Variants in ZCCHC4 observed in about 807,000 individuals in gnomAD.
ZCCHC4 encodes the protein zinc finger CCHC-type containing 4, also known as rRNA N(6)-adenosine-methyltransferase ZCCHC4.
In ZCCHC4, 54 loss-of-function variants were observed where a neutral mutation model predicts 67.7. The observed-to-expected ratio is 0.80, with a 90% CI of 0.64 to 1.00. The LOEUF (loss-of-function observed/expected upper bound fraction) is 1.00. Ranked by LOEUF, ZCCHC4 falls within the 50% of genes least tolerant of loss-of-function variation. The probability of loss-of-function intolerance (pLI) is 0.00; values close to 1 mark genes in which losing one functional copy is unlikely to be tolerated. For synonymous variants in ZCCHC4, 198 were observed against 213.5 expected (o/e 0.93, Z 0.63); for missense variants, 609 against 617.0 (o/e 0.99, Z 0.14).
At chr4:25,360,789 C>T (rs1201508063) in intron 8 of ZCCHC4, among the ~76,000 whole-genome samples, 2 of 152,200 alleles carry the variant, frequency 1.3e-5, no homozygotes, top group African/African-American at 2.4e-5. Flanking sequence ...GGCATCCCCA[C>T]ATTCCTGATG....
chr4:25,356,775 G>C (rs1337169750), intron 8 of ZCCHC4, among the ~76,000 whole-genome samples: 1 of 151,980 alleles, frequency 6.6e-6, no homozygotes, highest in South Asian at 2.1e-4. Context: ...GAGTGCATTA[G>C]GGGAAACATT....
chr4:25,313,074 G>A (rs1718042594), intron 1 of ZCCHC4, 138 bp downstream of exon 1: 1 of 1,279,718 alleles, frequency 7.8e-7, no homozygotes, highest in South Asian at 1.5e-5. Flanking sequence ...CTCCTTCCTC[G>A]GAACGCGGTG....
At chr4:25,336,325 G>A (rs1046956327) in intron 5 of ZCCHC4, among the ~76,000 whole-genome samples, 10 of 152,252 alleles carry the variant, frequency 6.6e-5, no homozygotes, top group African/African-American at 2.4e-4. Context: ...GCCTCTTATG[G>A]CTGGCTGTAT....
intron 3 of ZCCHC4, among the ~76,000 whole-genome samples, chr4:25,327,404 CCCTCCT>C: frequency 8.6e-6 from 1 of 116,416 alleles, no homozygotes; most frequent in African/African-American, 3.6e-5. Context: ...CTCCCTCCTT[CCCTCCT>C]TCCCTCCTTC....
intron 8 of ZCCHC4, among the ~76,000 whole-genome samples, chr4:25,361,449 TC>T (rs1720732987): frequency 6.6e-6 from 1 of 152,212 alleles, no homozygotes. Context: ...GTCGTACAAC[TC>T]CACATGTTAT....
intron 3 of ZCCHC4, among the ~76,000 whole-genome samples, chr4:25,322,775 C>T (rs1174568632): frequency 1.3e-5 from 2 of 152,158 alleles, no homozygotes; most frequent in East Asian, 3.8e-4. Context: ...ACCTTGGCCT[C>T]CCGAAGTGCT....
At chr4:25,346,838 T>G (rs1720044777) in intron 6 of ZCCHC4, among the ~76,000 whole-genome samples, 1 of 148,914 alleles carries the variant, frequency 6.7e-6, no homozygotes, top group Non-Finnish European at 1.5e-5. Flanking sequence ...GAGTTGAAAG[T>G]CACTTGCCAG....
chr4:25,322,174 G>C (rs571325680), intron 3 of ZCCHC4, among the ~76,000 whole-genome samples: 2 of 152,060 alleles, frequency 1.3e-5, no homozygotes, highest in Non-Finnish European at 2.9e-5. Flanking sequence ...TTATTTATTT[G>C]TTTGTTTGTT....
intron 6 of ZCCHC4, among the ~76,000 whole-genome samples, chr4:25,347,323 A>G (rs1429093577): frequency 6.6e-6 from 1 of 152,220 alleles, no homozygotes; most frequent in African/African-American, 2.4e-5. Flanking sequence ...GTAACAGGTA[A>G]TTAGCCTTTT....
At chr4:25,329,814 G>A (rs1459781296) in intron 3 of ZCCHC4, among the ~76,000 whole-genome samples, 17 of 151,932 alleles carry the variant, frequency 1.1e-4, no homozygotes, top group African/African-American at 4.1e-4. Context: ...GATTACAGGC[G>A]TGAGCCACCG....
intron 12 of ZCCHC4, among the ~76,000 whole-genome samples, chr4:25,368,066 G>A (rs1250998187): frequency 6.6e-6 from 1 of 152,178 alleles, no homozygotes; most frequent in Non-Finnish European, 1.5e-5. Flanking sequence ...GGTAACATAT[G>A]CTGAGTAAAC....
chr4:25,338,652 G>C (rs781128038), intron 5 of ZCCHC4, among the ~76,000 whole-genome samples: 1 of 152,140 alleles, frequency 6.6e-6, no homozygotes, highest in African/African-American at 2.4e-5. Context: ...ATAATACTCT[G>C]TGTGGCCTTT....
intron 5 of ZCCHC4, among the ~76,000 whole-genome samples, chr4:25,342,142 T>C (rs1336624117): frequency 6.6e-6 from 1 of 152,190 alleles, no homozygotes; most frequent in African/African-American, 2.4e-5. Context: ...ACAATAGTTC[T>C]TAAGAGAGAG....
In ZCCHC4 at chr4:25,364,459, C is replaced by T. The variant is rs1438883675; in HGVS notation, c.1215C>T (p.Gly405=). Residue 405 remains glycine, a synonymous_variant, in exon 11 of 13, where the codon GGC becomes GGT. Coordinates refer to ENST00000302874, the MANE Select transcript of ZCCHC4 (RefSeq NM_024936.3). ...ELCNSCTSKD[G]RKWNHCFLCK... ...ATTGTTTTTTTTTTTGGTAGGATGG[C>T]AGGAAATGGAACCATTGCTTTCTCT... 2 of 1,492,450 alleles carry T rather than the reference C, an allele frequency of 1.3e-6. No homozygotes were observed. Among genetic ancestry groups the T allele is most frequent in the East Asian group, 2.5e-5 (1 of 40,018 alleles). 92.5% of individuals were successfully genotyped at this position (1,492,450 alleles called of 1,614,324 possible). A position where few individuals can be genotyped will look rare whatever the true frequency, so the allele number is the denominator to read the frequency against.
intron 5 of ZCCHC4, among the ~76,000 whole-genome samples, chr4:25,342,772 G>T (rs1472243200): frequency 6.6e-6 from 1 of 152,150 alleles, no homozygotes; most frequent in Non-Finnish European, 1.5e-5. Flanking sequence ...AGAGGGCAAT[G>T]TTGAGTGATT....
Position 25,333,397 on chromosome 4 carries a change from T to C in ZCCHC4, c.544T>C (p.Phe182Leu). The C allele has an allele frequency of 6.2e-7, 1 of 1,614,180 alleles. No homozygotes were observed. Among genetic ancestry groups the C allele is most frequent in the Non-Finnish European group, 8.5e-7 (1 of 1,180,014 alleles). ...TCTGTTTGCTGATCGGAGCTGTCAG[T>C]TCTTGGTAGACTTACTTTCTGCCCT... is the stretch of plus-strand genomic sequence containing the variant. ...QYLFADRSCQ[F>L]LVDLLSALGF... The change falls in exon 4 of 13, where the codon TTC (phenylalanine) becomes CTC (leucine). Residue 182 changes from phenylalanine to leucine, a missense_variant. Transcript: ENST00000302874.
At chr4:25,341,786 G>A (rs1719767099) in intron 5 of ZCCHC4, among the ~76,000 whole-genome samples, 1 of 152,164 alleles carries the variant, frequency 6.6e-6, no homozygotes. Flanking sequence ...CAACTTAGTA[G>A]TGTTAAGTAA....
chr4:25,314,227 C>A, intron 2 of ZCCHC4, 63 bp downstream of exon 2: 3 of 1,034,434 alleles, frequency 2.9e-6, no homozygotes, highest in Non-Finnish European at 4.4e-6. Flanking sequence ...TTGTTGAGAA[C>A]GTGTAAACCA....
rs1188332972 is a variant in ZCCHC4, at chr4:25,333,445, G to A, written c.592G>A (p.Val198Ile). The A allele has an allele frequency of 1.9e-6, 3 of 1,613,948 alleles. No individual in the cohort carries two copies. Among genetic ancestry groups the A allele is most frequent in the African/African-American group, 2.7e-5 (2 of 75,052 alleles). The change falls in exon 4 of 13, where the codon GTT (valine) becomes ATT (isoleucine). Residue 198 changes from valine to isoleucine, a missense_variant. Transcript: ENST00000302874. ...SALGFRRVLC[V>I]GTPRLHELIK... is the part of the protein sequence containing the mutation. ...CCTCGGATTCAGAAGAGTACTGTGT[G>A]TTGGAACACCAAGGTATGTCATGTG...
Sources: allele counts gnomAD v4.1 joint callset (sites outside exome capture counted in the v4.1 genomes callset), GRCh38; gene constraint gnomAD v4.1.1; transcripts MANE v1.5; gene names NCBI Gene and HGNC (gene_info 2026-07-23, HGNC 2026-07-21).